The following COL4A4 variants were observed in gnomAD, a reference collection of about 807,000 sequenced individuals.
COL4A4 encodes the protein collagen alpha-4(IV) chain.
COL4A4 carries 105 observed loss-of-function variants against 192.9 expected under a neutral mutation model. The ratio of observed to expected loss-of-function variants is 0.54; its 90% CI spans 0.46 to 0.64. COL4A4 has a LOEUF of 0.64. Ranked by LOEUF, COL4A4 falls within the 30% of genes least tolerant of loss-of-function variation. COL4A4 has a pLI of 0.00. For synonymous variants in COL4A4, 762 were observed against 769.9 expected, an observed-to-expected ratio of 0.99 and a Z score of 0.17; for missense variants, 1,967 against 2,169.3, an observed-to-expected ratio of 0.91 and a Z score of 1.85.
chr2:227,150,992 C>T (rs2063904043), intron 1 of COL4A4, among the ~76,000 whole-genome samples: 1 of 151,558 alleles, frequency 6.6e-6, no homozygotes, highest in Admixed American at 6.6e-5. Context: ...AAATGATGAC[C>T]TTTAAAATAA....
chr2:227,060,113 A>AAAAAAAAAAAAAAAAAAAAC, intron 27 of COL4A4, 23 bp downstream of exon 27: 2 of 1,269,950 alleles, frequency 1.6e-6, no homozygotes, highest in African/African-American at 1.5e-5. Flanking sequence ...AAAAAAAAAA[A>AAAAAAAAAAAAAAAAAAAAC]AAAAAAAAAA....
intron 41 of COL4A4, among the ~76,000 whole-genome samples, chr2:227,028,644 TTTATTATTATTATTATTA>T (rs56914189): frequency 1.4e-5 from 2 of 141,886 alleles, no homozygotes; most frequent in African/African-American, 5.2e-5. Flanking sequence ...ATAAAAGAAA[TTTATTATTATTATTATTA>T]TTATTATTAT....
intron 12 of COL4A4, among the ~76,000 whole-genome samples, chr2:227,104,479 G>A (rs2060705163): frequency 6.6e-6 from 1 of 150,454 alleles, no homozygotes; most frequent in Admixed American, 6.6e-5. Flanking sequence ...CTACTTGGGA[G>A]GCTGAGGCAG....
At chr2:227,130,871 G>A (rs1189008288) in intron 4 of COL4A4, among the ~76,000 whole-genome samples, 1 of 152,068 alleles carries the variant, frequency 6.6e-6, no homozygotes, top group East Asian at 1.9e-4. Context: ...CGCCAGGTGA[G>A]TCTCCTCATT....
At position 227,147,468 on chromosome 2, in the gene COL4A4, T is replaced by C. The variant is rs763492958; in HGVS notation, c.16A>G (p.Ile6Val). Residue 6 changes from isoleucine to valine, a missense_variant, in exon 2 of 48, where the codon ATA becomes GTA. By Grantham distance (29) the Ile-to-Val change is conservative. Transcript: ENST00000396625. ...CTGAAGGAGCACCTCATTAGTACTA[T>C]GTGCAGAGACCACATCGCAGGCAAG... MWSLH[I>V]VLMRCSFRLT... The C allele has an allele frequency of 2.6e-5, 42 of 1,613,630 alleles. No homozygotes were observed. Among genetic ancestry groups the C allele is most frequent in the Non-Finnish European group, 3.3e-5 (39 of 1,179,764 alleles).
At chr2:227,146,130 T>C (rs1386623189) in intron 2 of COL4A4, among the ~76,000 whole-genome samples, 1 of 152,206 alleles carries the variant, frequency 6.6e-6, no homozygotes, top group Non-Finnish European at 1.5e-5. Context: ...GCAAACAGAC[T>C]TAGAAAAGTT....
chr2:227,094,034 T>G, intron 20 of COL4A4, 91 bp downstream of exon 20: 2 of 1,274,394 alleles, frequency 1.6e-6, no homozygotes, highest in South Asian at 2.7e-5. Context: ...ATATAACTTT[T>G]AAAATATTTT....
At chr2:227,066,406 C>T (rs1446349041) in intron 25 of COL4A4, among the ~76,000 whole-genome samples, 2 of 151,578 alleles carry the variant, frequency 1.3e-5, no homozygotes, top group African/African-American at 2.4e-5. Flanking sequence ...CTCCAAGACA[C>T]ATAATTGTCA....
intron 13 of COL4A4, among the ~76,000 whole-genome samples, 180 bp from the exon 14 acceptor site, chr2:227,103,377 T>C (rs2060634474): frequency 6.6e-6 from 1 of 152,166 alleles, no homozygotes; most frequent in Non-Finnish European, 1.5e-5. Context: ...TTGAGCCAGT[T>C]CTCTATGTGA....
Position 227,003,230 on chromosome 2 carries a change from AAG to A in COL4A4, c.*4093_*4094del, listed in dbSNP as rs1491562654. 6 of 152,246 alleles carry A rather than the reference AAG, an allele frequency of 3.9e-5. No individual in the cohort carries two copies. The highest frequency in any genetic ancestry group is 1.9e-4 in the East Asian group (1 of 5,188). The allele number at this position is 152,246 out of a possible 1,614,324, so 9.4% of individuals were successfully genotyped here. ...AGAATCATAATTCTGTGTAAAAAAA[AAG>A]AAATATTTTTCGTATTAGTTTATTT... is the stretch of plus-strand genomic sequence containing the variant. On this transcript the variant is annotated 3_prime_UTR_variant, in exon 48 of 48. Coordinates refer to ENST00000396625, the MANE Select transcript of COL4A4 (RefSeq NM_000092.5).
At chr2:227,061,656 ACAGT>A (rs1231566335) in intron 26 of COL4A4, among the ~76,000 whole-genome samples, 7 of 152,238 alleles carry the variant, frequency 4.6e-5, no homozygotes, top group East Asian at 1.9e-4. Context: ...AGAGAGAGTA[ACAGT>A]CAGTCATTAT....
At chr2:227,111,613 T>A in intron 9 of COL4A4, 65 bp downstream of exon 9, 1 of 1,549,892 alleles carries the variant, frequency 6.5e-7, no homozygotes, top group Non-Finnish European at 8.9e-7. Flanking sequence ...TTGCTGGGAT[T>A]AAAACGTGGA....
chr2:227,114,996 C>T (rs1049981721), intron 7 of COL4A4, among the ~76,000 whole-genome samples: 2 of 152,002 alleles, frequency 1.3e-5, no homozygotes, highest in Non-Finnish European at 2.9e-5. Flanking sequence ...ATTGTTCCTA[C>T]AAATAACTAA....
chr2:227,088,590 T>G, intron 22 of COL4A4, 63 bp downstream of exon 22: 2 of 1,577,910 alleles, frequency 1.3e-6, no homozygotes, highest in South Asian at 2.2e-5. Context: ...TTTATGGTAG[T>G]GTGAAAACAG....
At chr2:227,025,447 G>C (rs1248146284) in intron 43 of COL4A4, among the ~76,000 whole-genome samples, 1 of 152,066 alleles carries the variant, frequency 6.6e-6, no homozygotes, top group Admixed American at 6.6e-5. Context: ...ATTTATTTTA[G>C]GGATGCTCTA....
At chr2:227,059,375 T>G (rs751671439) in intron 28 of COL4A4, 30 bp downstream of exon 28, 1 of 1,583,262 alleles carries the variant, frequency 6.3e-7, no homozygotes, top group Non-Finnish European at 8.7e-7. Context: ...GCCAGCTCTA[T>G]GCACCAAAAG....
chr2:227,126,254 G>C (rs967702134), intron 4 of COL4A4, among the ~76,000 whole-genome samples: 6 of 152,192 alleles, frequency 3.9e-5, no homozygotes, highest in African/African-American at 1.2e-4. Flanking sequence ...AGGGACGTGA[G>C]TATCCATGGA....
the COL4A4 span, among the ~76,000 whole-genome samples, chr2:226,969,828 A>C: frequency 1.3e-5 from 2 of 152,154 alleles, no homozygotes; most frequent in African/African-American, 4.8e-5. Context: ...CATAATGCTA[A>C]ATTTTTCTTG....
At chr2:226,973,843 A>G in the COL4A4 span, among the ~76,000 whole-genome samples, 41 of 152,194 alleles carry the variant, frequency 2.7e-4, no homozygotes, top group Non-Finnish European at 5.4e-4. Context: ...TCCGGAGCCC[A>G]TGAGTAAGGC....
Sources: allele counts gnomAD v4.1 joint callset (sites outside exome capture counted in the v4.1 genomes callset), GRCh38; gene constraint gnomAD v4.1.1; transcripts MANE v1.5; gene names NCBI Gene and HGNC (gene_info 2026-07-23, HGNC 2026-07-21).